CALN1: variants seen among roughly 807,000 people sequenced by gnomAD.
CALN1 encodes the protein calneuron 1, also known as calcium-binding protein 8.
A neutral mutation model predicts 30.6 loss-of-function variants in CALN1; 17 were observed. The observed-to-expected ratio is 0.56, with a 90% CI of 0.38 to 0.83. The LOEUF (loss-of-function observed/expected upper bound fraction) is 0.83. CALN1 is among the 40% of genes least tolerant of loss of function. CALN1 has a pLI of 0.00. For synonymous variants in CALN1, 156 were observed against 131.4 expected, an observed-to-expected ratio of 1.19 and a Z score of -1.28; for missense variants, 291 against 354.9, an observed-to-expected ratio of 0.82 and a Z score of 1.45.
intron 2 of CALN1, among the ~76,000 whole-genome samples, chr7:72,335,667 C>T (rs1025457918): frequency 6.6e-6 from 1 of 152,236 alleles, no homozygotes; most frequent in African/African-American, 2.4e-5. Context: ...GGCACCGCTT[C>T]ACCCAGGAGC....
chr7:71,988,434 C>T (rs966522900), intron 5 of CALN1, among the ~76,000 whole-genome samples: 2 of 152,090 alleles, frequency 1.3e-5, no homozygotes, highest in East Asian at 3.9e-4. Flanking sequence ...CTCAGGAAGG[C>T]ATAGCCGGTG....
chr7:72,089,131 G>A (rs1805682161), intron 4 of CALN1, among the ~76,000 whole-genome samples: 1 of 151,878 alleles, frequency 6.6e-6, no homozygotes, highest in South Asian at 2.1e-4. Context: ...AAAATGGGAG[G>A]AACATATTTA....
intron 3 of CALN1, among the ~76,000 whole-genome samples, chr7:72,137,107 AG>A (rs1334332024): frequency 6.6e-6 from 1 of 152,160 alleles, no homozygotes; most frequent in Non-Finnish European, 1.5e-5. Flanking sequence ...GGTTTTGGAA[AG>A]GGGGGCTTGT....
At chr7:71,974,468 C>T (rs999736848) in intron 5 of CALN1, among the ~76,000 whole-genome samples, 1 of 151,156 alleles carries the variant, frequency 6.6e-6, no homozygotes, top group Admixed American at 6.6e-5. Flanking sequence ...AAAAAAAACC[C>T]CACACAGCTT....
rs763958640 is a variant in CALN1 at position 72,229,864 on chromosome 7, C to T, written c.244+48822G>A. On this transcript the variant is annotated intron_variant, in intron 3 of 6. Transcript: ENST00000395275. ...GGCTTAAAACCTAGATGACAGGGGCCGGGCACAGTGGCTCATACCTGTAAT... is the reference window on the plus strand; with the variant it reads ...GGCTTAAAACCTAGATGACAGGGGCTGGGCACAGTGGCTCATACCTGTAAT... Among the ~76,000 whole-genome samples, 67 of 151,610 alleles carry T rather than the reference C, an allele frequency of 4.4e-4. 1 individual carries two copies. Among genetic ancestry groups the T allele is most frequent in the Admixed American group, 7.2e-4 (11 of 15,230 alleles).
At chr7:71,874,666 A>AGGGGAATTCT (rs1322682154) in intron 5 of CALN1, among the ~76,000 whole-genome samples, 4 of 152,184 alleles carry the variant, frequency 2.6e-5, no homozygotes, top group African/African-American at 9.7e-5. Context: ...CCCCGGGGCT[A>AGGGGAATTCT]GTTCTGGCAA....
chr7:72,033,058 G>A (rs1801562127), intron 4 of CALN1, among the ~76,000 whole-genome samples: 3 of 152,326 alleles, frequency 2.0e-5, no homozygotes, highest in Admixed American at 1.3e-4. Context: ...AATTCACTCA[G>A]ACCAGGCCTC....
At chr7:72,273,472 G>A (rs1156453038) in intron 3 of CALN1, among the ~76,000 whole-genome samples, 1 of 145,684 alleles carries the variant, frequency 6.9e-6, no homozygotes, top group East Asian at 2.0e-4. Context: ...ATTATCTCAG[G>A]TTTGGGATAA....
intron 1 of CALN1, among the ~76,000 whole-genome samples, chr7:72,410,185 G>A (rs1047997221): frequency 1.3e-5 from 2 of 152,152 alleles, no homozygotes; most frequent in Admixed American, 6.5e-5. Context: ...GCATTTGCTG[G>A]AACATGAGAG....
chr7:72,237,403 G>C (rs1794540851), intron 3 of CALN1, among the ~76,000 whole-genome samples: 1 of 152,150 alleles, frequency 6.6e-6, no homozygotes, highest in Non-Finnish European at 1.5e-5. Context: ...AGCTGAAATT[G>C]GGAGGTCCTT....
chr7:72,147,711 A>G (rs2129543893), intron 3 of CALN1, among the ~76,000 whole-genome samples: 1 of 152,200 alleles, frequency 6.6e-6, no homozygotes, highest in East Asian at 1.9e-4. Flanking sequence ...ATGTCCAACA[A>G]TGATAGACTG....
intron 5 of CALN1, among the ~76,000 whole-genome samples, chr7:72,001,148 C>A (rs1799509473): frequency 6.6e-6 from 1 of 151,976 alleles, no homozygotes; most frequent in Admixed American, 6.6e-5. Flanking sequence ...GGTAGAAAAA[C>A]CTGAAACTGG....
intron 2 of CALN1, among the ~76,000 whole-genome samples, chr7:72,287,658 G>A (rs62464865): frequency 0.31 from 46,876 of 151,716 alleles, 7,852 homozygotes; most frequent in Non-Finnish European, 0.37. Flanking sequence ...GTGTTAGCCA[G>A]GATGGTCTTG....
At chr7:72,421,173 A>G (rs1807598024) in intron 1 of CALN1, among the ~76,000 whole-genome samples, 1 of 152,132 alleles carries the variant, frequency 6.6e-6, no homozygotes, top group Non-Finnish European at 1.5e-5. Context: ...TTTTGGTTAT[A>G]TGGATGAGTT....
the CALN1 span, among the ~76,000 whole-genome samples, chr7:72,455,062 C>T: frequency 1.3e-5 from 2 of 152,042 alleles, no homozygotes; most frequent in Non-Finnish European, 2.9e-5. Flanking sequence ...AATTCCCTAC[C>T]TCAGATTATC....
intron 6 of CALN1, among the ~76,000 whole-genome samples, chr7:71,800,137 G>A (rs117678274): frequency 1.5e-3 from 234 of 152,338 alleles, no homozygotes; most frequent in Non-Finnish European, 2.9e-3. Flanking sequence ...ACTTCAGCGG[G>A]GAGGACTGAG....
chr7:72,192,629 TTATTATTATTATTA>T (rs1790690340), intron 3 of CALN1, among the ~76,000 whole-genome samples: 3 of 2,174 alleles, frequency 1.4e-3, no homozygotes, highest in African/African-American at 1.6e-3. Context: ...ATTTCTTTTA[TTATTATTATTATTA>T]TTATTATTAT....
intron 3 of CALN1, among the ~76,000 whole-genome samples, chr7:72,272,584 AAAAG>A (rs1392988672): frequency 3.9e-5 from 6 of 152,278 alleles, no homozygotes; most frequent in Admixed American, 1.3e-4. Context: ...GAAAGAAAGA[AAAAG>A]AAATATTAAT....
chr7:72,188,307 A>C (rs2129546626), intron 3 of CALN1, among the ~76,000 whole-genome samples: 1 of 152,318 alleles, frequency 6.6e-6, no homozygotes, highest in Non-Finnish European at 1.5e-5. Flanking sequence ...ATGTATATAT[A>C]TCTCAGTTTA....
Sources: allele counts gnomAD v4.1 joint callset (sites outside exome capture counted in the v4.1 genomes callset), GRCh38; gene constraint gnomAD v4.1.1; transcripts MANE v1.5; gene names NCBI Gene and HGNC (gene_info 2026-07-23, HGNC 2026-07-21).